DIAPH2: variants seen among roughly 807,000 people sequenced by gnomAD.
DIAPH2 encodes the protein diaphanous related formin 2.
In DIAPH2, 35 loss-of-function variants were observed where a neutral mutation model predicts 92.7. The observed-to-expected ratio is 0.38, with a 90% CI of 0.29 to 0.50. The LOEUF (loss-of-function observed/expected upper bound fraction) is 0.50, where lower values mean the gene tolerates loss of function less well. Ranked by LOEUF, DIAPH2 falls within the 20% of genes least tolerant of loss-of-function variation. DIAPH2 has a pLI of 0.94. For synonymous variants in DIAPH2, 301 were observed against 280.4 expected (o/e 1.07, Z -0.73); for missense variants, 701 against 819.5 (o/e 0.86, Z 1.77).
At chrX:96,753,435 C>T (rs748243936) in intron 3 of DIAPH2, among the ~76,000 whole-genome samples, 2 of 111,547 alleles carry the variant, frequency 1.8e-5, no homozygotes, top group East Asian at 5.6e-4. Flanking sequence ...TTTGTTAAAC[C>T]ACAGAGTATT....
chrX:97,301,487 C>A (rs998713432), intron 23 of DIAPH2, among the ~76,000 whole-genome samples: 3 of 111,473 alleles, frequency 2.7e-5, no homozygotes, highest in Non-Finnish European at 3.8e-5. Context: ...CCAGATTGTT[C>A]TTGATAATTT....
chrX:96,987,649 C>G (rs1602692360), intron 17 of DIAPH2, among the ~76,000 whole-genome samples: 1 of 111,519 alleles, frequency 9.0e-6, no homozygotes, highest in East Asian at 2.8e-4. Flanking sequence ...TTAACTGAAT[C>G]ATTGTGTACT....
chrX:97,446,528 A>G (rs1339359439), intron 26 of DIAPH2, among the ~76,000 whole-genome samples: 1 of 111,796 alleles, frequency 8.9e-6, no homozygotes, highest in African/African-American at 3.3e-5. Flanking sequence ...TTTCCTTATA[A>G]CCTAATTGAT....
Position 96,847,104 on chromosome X carries a change from T to C in DIAPH2, c.448-34475T>C, listed in dbSNP as rs752584978. ...CATTCTTTGTTGCTATCTTTGTGAG[T>C]AGAAAGACAAACTATAAGGAAAACT... is the stretch of plus-strand genomic sequence containing the variant. On this transcript the variant is annotated intron_variant, in intron 4 of 26. Transcript: ENST00000324765. Among the ~76,000 whole-genome samples, 4 of 111,646 alleles carry C rather than the reference T, an allele frequency of 3.6e-5. No homozygotes were observed. In the South Asian group the frequency reaches 1.5e-3, roughly 42 times the overall value.
At chrX:96,732,576 G>A (rs1359803406) in intron 1 of DIAPH2, among the ~76,000 whole-genome samples, 1 of 111,851 alleles carries the variant, frequency 8.9e-6, no homozygotes, top group African/African-American at 3.2e-5. Flanking sequence ...AATCAGGAGT[G>A]GGGTGTTTTT....
intron 4 of DIAPH2, among the ~76,000 whole-genome samples, chrX:96,836,796 C>T (rs1417539058): frequency 7.3e-5 from 6 of 81,932 alleles, no homozygotes; most frequent in Non-Finnish European, 1.4e-4. Flanking sequence ...GGCGCGATCT[C>T]GGCTCACTGC....
intron 26 of DIAPH2, among the ~76,000 whole-genome samples, chrX:97,555,232 G>GAAGA (rs1195513884): frequency 8.9e-6 from 1 of 111,928 alleles, no homozygotes; most frequent in Non-Finnish European, 1.9e-5. Flanking sequence ...CCCATCACTG[G>GAAGA]AAGAAAGAAA....
intron 25 of DIAPH2, among the ~76,000 whole-genome samples, chrX:97,389,424 C>G (rs774901582): frequency 9.7e-6 from 1 of 103,114 alleles, no homozygotes; most frequent in South Asian, 4.9e-4. Context: ...CGAGATCACG[C>G]CACTGCACTC....
chrX:97,511,398 G>C (rs1302921299), intron 26 of DIAPH2, among the ~76,000 whole-genome samples: 1 of 96,783 alleles, frequency 1.0e-5, no homozygotes, highest in Non-Finnish European at 2.1e-5. Context: ...TCAGCTTGAG[G>C]AGATTTTGTG....
chrX:96,796,272 C>T (rs973024789), intron 4 of DIAPH2, among the ~76,000 whole-genome samples: 8 of 111,277 alleles, frequency 7.2e-5, no homozygotes, highest in African/African-American at 2.0e-4. Context: ...CTCTGTCTCC[C>T]GGGTTCAAGT....
intron 22 of DIAPH2, among the ~76,000 whole-genome samples, chrX:97,245,306 T>C (rs2068132072): frequency 1.0e-5 from 1 of 100,102 alleles, no homozygotes; most frequent in Admixed American, 1.0e-4. Context: ...CCCAGCTTGC[T>C]TATTTATTTA....
At chrX:96,975,444 A>G (rs1458438310) in intron 17 of DIAPH2, among the ~76,000 whole-genome samples, 1 of 112,131 alleles carries the variant, frequency 8.9e-6, no homozygotes, top group African/African-American at 3.2e-5. Context: ...AGATGGTGCT[A>G]ACGTGTCCAG....
chrX:97,604,731 AG>A lies in DIAPH2; in HGVS notation c.*5417del, dbSNP rs1448647881. On this transcript the variant is annotated 3_prime_UTR_variant, in exon 27 of 27. Coordinates refer to ENST00000324765, the MANE Select transcript of DIAPH2 (RefSeq NM_006729.5). ...GGCACAAAACTACCTCTGATACAGA[AG>A]GGTTCTTTACAAGCTTATTTTACAT... 2 of 112,307 alleles carry A rather than the reference AG, an allele frequency of 1.8e-5. No individual in the cohort carries two copies. Among genetic ancestry groups the A allele is most frequent in the African/African-American group, 6.5e-5 (2 of 30,749 alleles). The allele number at this position is 112,307 out of a possible 1,213,427, so 9.3% of individuals were successfully genotyped here. A position where few individuals can be genotyped will look rare whatever the true frequency, so the allele number is the denominator to read the frequency against.
At chrX:97,282,775 C>A (rs2068509625) in intron 23 of DIAPH2, among the ~76,000 whole-genome samples, 1 of 112,039 alleles carries the variant, frequency 8.9e-6, no homozygotes, top group African/African-American at 3.2e-5. Context: ...AAATTTCTAA[C>A]ATGATAGTGG....
At chrX:97,294,911 T>G (rs747024087) in intron 23 of DIAPH2, among the ~76,000 whole-genome samples, 1 of 111,642 alleles carries the variant, frequency 9.0e-6, no homozygotes, top group South Asian at 3.8e-4. Flanking sequence ...CCTTCTTTCT[T>G]CATTTCCCTT....
chrX:97,432,684 G>A (rs1186168812), intron 26 of DIAPH2, among the ~76,000 whole-genome samples: 1 of 111,026 alleles, frequency 9.0e-6, no homozygotes, highest in Non-Finnish European at 1.9e-5. Flanking sequence ...ATGGTATTTC[G>A]CCAGGTTGGC....
intron 26 of DIAPH2, among the ~76,000 whole-genome samples, chrX:97,572,274 C>T (rs1374074738): frequency 1.8e-5 from 2 of 111,061 alleles, no homozygotes; most frequent in Admixed American, 9.6e-5. Flanking sequence ...AGAAGTAAAC[C>T]AGCATCTGTA....
chrX:97,474,117 ACT>A (rs1000333164), intron 26 of DIAPH2, among the ~76,000 whole-genome samples: 5 of 111,975 alleles, frequency 4.5e-5, no homozygotes, highest in African/African-American at 1.6e-4. Flanking sequence ...TGTGACAGAG[ACT>A]CTGTGGCCCA....
At chrX:96,956,939 A>G (rs1347060764) in intron 15 of DIAPH2, among the ~76,000 whole-genome samples, 1 of 112,582 alleles carries the variant, frequency 8.9e-6, no homozygotes, top group Non-Finnish European at 1.9e-5. Context: ...TTACAGAAGC[A>G]CCCAACTATC....
Sources: allele counts gnomAD v4.1 joint callset (sites outside exome capture counted in the v4.1 genomes callset), GRCh38; gene constraint gnomAD v4.1.1; transcripts MANE v1.5; gene names NCBI Gene and HGNC (gene_info 2026-07-23, HGNC 2026-07-21).